Variants in ADAMTSL1 observed in about 807,000 individuals in gnomAD.
ADAMTSL1 encodes the protein ADAMTS-like protein 1.
Under a neutral mutation model 201.8 loss-of-function variants are expected in ADAMTSL1, and 126 were observed. The observed-to-expected ratio is 0.62, with a 90% CI of 0.54 to 0.72. The LOEUF (loss-of-function observed/expected upper bound fraction) is 0.72. Among genes scored for constraint, ADAMTSL1 ranks in the 30% least tolerant of loss-of-function variants. The pLI, the probability that ADAMTSL1 is intolerant of heterozygous loss-of-function variation, is 0.00. For synonymous variants in ADAMTSL1, 1,121 were observed against 903.4 expected, an observed-to-expected ratio of 1.24 and a Z score of -4.32; for missense variants, 2,679 against 2,277.8, an observed-to-expected ratio of 1.18 and a Z score of -3.59.
intron 7 of ADAMTSL1, among the ~76,000 whole-genome samples, chr9:18,648,608 G>C (rs1827979380): frequency 1.3e-5 from 2 of 151,330 alleles, no homozygotes; most frequent in South Asian, 4.2e-4. Context: ...CTCAGCATTT[G>C]CTTGTCTATA....
chr9:18,652,072 G>A (rs1828310524), intron 7 of ADAMTSL1, among the ~76,000 whole-genome samples: 1 of 151,948 alleles, frequency 6.6e-6, no homozygotes, highest in Non-Finnish European at 1.5e-5. Flanking sequence ...GAATACTAAA[G>A]AAAGAAAGAC....
At chr9:18,802,947 A>T (rs906793675) in intron 20 of ADAMTSL1, among the ~76,000 whole-genome samples, 4 of 152,218 alleles carry the variant, frequency 2.6e-5, no homozygotes, top group African/African-American at 9.7e-5. Flanking sequence ...TTACATTTTA[A>T]TATTGACTAA....
chr9:18,022,836 A>ATT (rs1820534722), intron 1 of ADAMTSL1, among the ~76,000 whole-genome samples: 1 of 152,050 alleles, frequency 6.6e-6, no homozygotes, highest in African/African-American at 2.4e-5. Context: ...AGCGCCTACT[A>ATT]TTTGACTATT....
intron 2 of ADAMTSL1, among the ~76,000 whole-genome samples, chr9:18,214,570 T>C (rs1313088617): frequency 6.6e-6 from 1 of 152,228 alleles, no homozygotes; most frequent in Non-Finnish European, 1.5e-5. Flanking sequence ...ACAACAATTA[T>C]GTGATATAAC....
At chr9:18,894,966 A>C (rs1435521220) in intron 26 of ADAMTSL1, among the ~76,000 whole-genome samples, 1 of 152,192 alleles carries the variant, frequency 6.6e-6, no homozygotes, top group Non-Finnish European at 1.5e-5. Flanking sequence ...AGAAGGAAGG[A>C]AGTCAATGGT....
chr9:17,915,303 C>T (rs1204109972), intron 1 of ADAMTSL1, among the ~76,000 whole-genome samples: 1 of 152,102 alleles, frequency 6.6e-6, no homozygotes, highest in African/African-American at 2.4e-5. Flanking sequence ...TGGAACAATC[C>T]CTCCTCCTTT....
intron 13 of ADAMTSL1, among the ~76,000 whole-genome samples, chr9:18,697,091 C>G (rs1831605357): frequency 6.6e-6 from 1 of 151,622 alleles, no homozygotes; most frequent in African/African-American, 2.4e-5. Flanking sequence ...ACCATGTTGG[C>G]CAGGATGGTC....
At chr9:18,813,324 G>T (rs76950498) in intron 20 of ADAMTSL1, among the ~76,000 whole-genome samples, 74 of 152,306 alleles carry the variant, frequency 4.9e-4, no homozygotes, top group East Asian at 4.2e-3. Flanking sequence ...TATGGTTACA[G>T]ACAAATTTTG....
chr9:18,735,322 T>C (rs1281105135), intron 15 of ADAMTSL1, among the ~76,000 whole-genome samples: 1 of 152,236 alleles, frequency 6.6e-6, no homozygotes, highest in African/African-American at 2.4e-5. Flanking sequence ...TTTTCTGAGT[T>C]CCGTGAAACT....
chr9:18,780,472 C>T (rs1481878030), intron 19 of ADAMTSL1, among the ~76,000 whole-genome samples: 1 of 152,180 alleles, frequency 6.6e-6, no homozygotes, highest in Non-Finnish European at 1.5e-5. Flanking sequence ...TAAGGCTAAA[C>T]AGATGTATGT....
At chr9:18,350,934 T>C (rs1033533516) in intron 2 of ADAMTSL1, among the ~76,000 whole-genome samples, 2 of 152,190 alleles carry the variant, frequency 1.3e-5, no homozygotes, top group African/African-American at 4.8e-5. Context: ...TGAGGAGATT[T>C]GGCAAAGCAT....
chr9:18,136,501 C>A (rs987563131), intron 1 of ADAMTSL1, among the ~76,000 whole-genome samples: 4 of 151,910 alleles, frequency 2.6e-5, no homozygotes, highest in Admixed American at 6.6e-5. Context: ...TAAACAGGTA[C>A]AGAATGCAAG....
At chr9:18,578,142 A>T (rs966031288) in intron 4 of ADAMTSL1, among the ~76,000 whole-genome samples, 3 of 152,182 alleles carry the variant, frequency 2.0e-5, no homozygotes, top group Non-Finnish European at 4.4e-5. Flanking sequence ...ACAGACTAGA[A>T]GGCAGAGAGT....
chr9:18,006,025 G>C (rs963360457), intron 1 of ADAMTSL1, among the ~76,000 whole-genome samples: 1 of 151,756 alleles, frequency 6.6e-6, no homozygotes, highest in African/African-American at 2.4e-5. Flanking sequence ...CAATGGTAAA[G>C]TACACCATAT....
At chr9:18,814,198 C>G (rs1029221300) in intron 20 of ADAMTSL1, among the ~76,000 whole-genome samples, 7 of 152,180 alleles carry the variant, frequency 4.6e-5, no homozygotes, top group African/African-American at 1.7e-4. Context: ...ATTTGTTGAT[C>G]TGCGTATGTT....
chr9:18,756,337 G>A (rs1819771854), intron 16 of ADAMTSL1, among the ~76,000 whole-genome samples: 1 of 149,260 alleles, frequency 6.7e-6, no homozygotes, highest in South Asian at 2.1e-4. Context: ...CTCTAAACCT[G>A]GAGTAAACAA....
chr9:18,781,809 A>T (rs1025108787), intron 19 of ADAMTSL1, among the ~76,000 whole-genome samples: 1 of 152,240 alleles, frequency 6.6e-6, no homozygotes, highest in Non-Finnish European at 1.5e-5. Context: ...TCCAAATAGC[A>T]TGAGCCAGCA....
At chr9:18,737,279 A>G (rs1165981106) in intron 15 of ADAMTSL1, among the ~76,000 whole-genome samples, 1 of 144,150 alleles carries the variant, frequency 6.9e-6, no homozygotes, top group African/African-American at 2.6e-5. Flanking sequence ...AGATCACACC[A>G]TTGCACTCCA....
intron 1 of ADAMTSL1, among the ~76,000 whole-genome samples, chr9:17,940,811 C>CCCCCCA (rs201419338): frequency 1.7e-5 from 1 of 60,234 alleles, no homozygotes; most frequent in Non-Finnish European, 3.4e-5. Flanking sequence ...CACCCCCCCC[C>CCCCCCA]CAAAAAAAAG....
Sources: gnomAD v4.1 joint callset for allele counts (sites outside exome capture counted in the v4.1 genomes callset) on GRCh38, gnomAD v4.1.1 for gene constraint, MANE v1.5 for transcripts, NCBI Gene and HGNC (gene_info 2026-07-23, HGNC 2026-07-21) for gene names.